FAM13A: variants seen among roughly 807,000 people sequenced by gnomAD.
FAM13A encodes family with sequence similarity 13 member A, also known as protein FAM13A.
In FAM13A, 76 loss-of-function variants were observed where a neutral mutation model predicts 129.6. That is an observed-to-expected ratio of 0.59 (90% CI 0.49 to 0.71). FAM13A has a LOEUF of 0.71. Ranked by LOEUF, FAM13A falls within the 30% of genes least tolerant of loss-of-function variation. The pLI is 0.00. For synonymous variants in FAM13A, 443 were observed against 449.9 expected (o/e 0.98, Z 0.20); for missense variants, 1,108 against 1,249.3 (o/e 0.89, Z 1.70).
At chr4:88,920,022 G>A (rs1283736975) in intron 5 of FAM13A, among the ~76,000 whole-genome samples, 3 of 152,366 alleles carry the variant, frequency 2.0e-5, no homozygotes, top group South Asian at 2.1e-4. Flanking sequence ...GCCCAGGCTT[G>A]CTTAGGTAAA....
intron 6 of FAM13A, among the ~76,000 whole-genome samples, chr4:88,902,664 C>A (rs1334016067): frequency 6.6e-6 from 1 of 152,208 alleles, no homozygotes; most frequent in Admixed American, 6.5e-5. Flanking sequence ...ACTGAATGAG[C>A]AAAAGCTGGA....
intron 8 of FAM13A, among the ~76,000 whole-genome samples, chr4:88,795,963 A>G (rs369436807): frequency 2.0e-5 from 3 of 151,880 alleles, no homozygotes; most frequent in African/African-American, 4.8e-5. Context: ...AGAATTTTCT[A>G]TCTTGTAATT....
intron 11 of FAM13A, chr4:88,768,357 T>C (rs1578564386): frequency 1.0e-5 from 2 of 197,360 alleles, no homozygotes; most frequent in Non-Finnish European, 2.1e-5. Context: ...GAAAGCTAAA[T>C]AGCAAAACCC....
chr4:88,862,254 T>C (rs1035935234), intron 6 of FAM13A, among the ~76,000 whole-genome samples: 5 of 152,212 alleles, frequency 3.3e-5, no homozygotes, highest in African/African-American at 1.2e-4. Context: ...AATGTATATA[T>C]ACAATGCTAT....
At chr4:88,748,573 G>C (rs1038847524) in intron 17 of FAM13A, among the ~76,000 whole-genome samples, 13 of 152,168 alleles carry the variant, frequency 8.5e-5, no homozygotes, top group African/African-American at 2.7e-4. Context: ...CTGAAAAGAT[G>C]GGAATCTCTT....
intron 1 of FAM13A, among the ~76,000 whole-genome samples, chr4:89,044,196 A>T (rs1369184643): frequency 6.6e-6 from 1 of 152,176 alleles, no homozygotes; most frequent in East Asian, 1.9e-4. Context: ...CTGAATACAT[A>T]TTCAAAATAT....
At chr4:88,748,885 G>A in intron 17 of FAM13A, 67 bp downstream of exon 17, 1 of 1,079,202 alleles carries the variant, frequency 9.3e-7, no homozygotes, top group East Asian at 2.4e-5. Flanking sequence ...CACTCAGTGG[G>A]AGAGGAGGTG....
At chr4:88,909,774 CGT>C in intron 5 of FAM13A, among the ~76,000 whole-genome samples, 1 of 152,210 alleles carries the variant, frequency 6.6e-6, no homozygotes, top group East Asian at 1.9e-4. Context: ...AGTGAGCCAC[CGT>C]ACCCAGCTGA....
intron 11 of FAM13A, among the ~76,000 whole-genome samples, chr4:88,775,008 G>A (rs1721396741): frequency 6.6e-6 from 1 of 152,102 alleles, no homozygotes; most frequent in South Asian, 2.1e-4. Flanking sequence ...ATTTGTAGAG[G>A]GGTGACAACT....
intron 15 of FAM13A, 55 bp from the exon 16 acceptor site, chr4:88,749,964 G>C (rs1742215359): frequency 6.3e-7 from 1 of 1,596,846 alleles, no homozygotes; most frequent in Admixed American, 1.7e-5. Context: ...TGCTTGCCTA[G>C]AGGGGCCCTG....
chr4:89,017,873 C>T (rs2149101528), intron 3 of FAM13A, among the ~76,000 whole-genome samples: 1 of 152,276 alleles, frequency 6.6e-6, no homozygotes, highest in African/African-American at 2.4e-5. Flanking sequence ...ATGTCACTCA[C>T]TGACATACAA....
At chr4:89,019,065 C>T (rs1766896856) in intron 3 of FAM13A, among the ~76,000 whole-genome samples, 1 of 152,180 alleles carries the variant, frequency 6.6e-6, no homozygotes, top group Non-Finnish European at 1.5e-5. Flanking sequence ...GATGTGAGGG[C>T]CTGGGGGAGC....
chr4:88,906,105 T>C (rs1748107630), intron 6 of FAM13A, among the ~76,000 whole-genome samples: 1 of 152,082 alleles, frequency 6.6e-6, no homozygotes, highest in Non-Finnish European at 1.5e-5. Flanking sequence ...CTGGCCAACA[T>C]GGCAAAACCC....
intron 4 of FAM13A, among the ~76,000 whole-genome samples, chr4:88,945,811 T>A (rs1394337569): frequency 7.3e-6 from 1 of 136,464 alleles, no homozygotes; most frequent in African/African-American, 2.7e-5. Flanking sequence ...ATATATATAT[T>A]ATATATATAT....
At chr4:88,825,343 G>A (rs1732800881) in intron 7 of FAM13A, among the ~76,000 whole-genome samples, 1 of 151,744 alleles carries the variant, frequency 6.6e-6, no homozygotes, top group Non-Finnish European at 1.5e-5. Flanking sequence ...AGCCTCCTGA[G>A]TAGCTGGGAT....
At chr4:89,043,043 G>A (rs1375872952) in intron 1 of FAM13A, among the ~76,000 whole-genome samples, 4 of 152,218 alleles carry the variant, frequency 2.6e-5, no homozygotes, top group African/African-American at 9.6e-5. Flanking sequence ...TGCCAAAGGT[G>A]AGGATGATGT....
chr4:88,799,072 C>T (rs1726858093), intron 8 of FAM13A, among the ~76,000 whole-genome samples: 1 of 152,128 alleles, frequency 6.6e-6, no homozygotes, highest in African/African-American at 2.4e-5. Context: ...AGAATCTATA[C>T]TTACATCTTA....
chr4:89,013,012 T>C lies in FAM13A; in HGVS notation c.427+7448A>G, dbSNP rs1049281831. On this transcript the variant is annotated intron_variant, in intron 3 of 23. Transcript: ENST00000264344. The stretch of plus-strand genomic sequence containing the variant: ...AACAACTTTATCACATATTGATGTA[T>C]AGTAGAAAGGGTGGGAGATGAGAAT... Among the ~76,000 whole-genome samples, 8 of 152,150 alleles carry C rather than the reference T, an allele frequency of 5.3e-5. No homozygotes were observed. In the East Asian group the frequency reaches 7.7e-4, roughly 15 times the overall value.
chr4:88,840,929 A>G (rs915134547), intron 7 of FAM13A, among the ~76,000 whole-genome samples: 2 of 152,098 alleles, frequency 1.3e-5, no homozygotes, highest in African/African-American at 4.8e-5. Flanking sequence ...AACTGGATAT[A>G]CACATGCAAA....
Sources: gnomAD v4.1 joint callset for allele counts (sites outside exome capture counted in the v4.1 genomes callset) on GRCh38, gnomAD v4.1.1 for gene constraint, MANE v1.5 for transcripts, NCBI Gene and HGNC (gene_info 2026-07-23, HGNC 2026-07-21) for gene names.